The following PRKX variants were observed in gnomAD, a reference collection of about 807,000 sequenced individuals.
PRKX encodes protein kinase cAMP-dependent X-linked catalytic subunit, also known as cAMP-dependent protein kinase catalytic subunit PRKX.
PRKX carries 12 observed loss-of-function variants against 22.0 expected under a neutral mutation model. The observed-to-expected ratio is 0.54, with a 90% CI of 0.35 to 0.88. PRKX has a LOEUF of 0.88. Ranked by LOEUF, PRKX falls within the 40% of genes least tolerant of loss-of-function variation. The pLI is 0.01. For synonymous variants in PRKX, 134 were observed against 137.7 expected (o/e 0.97, Z 0.19); for missense variants, 217 against 308.0 (o/e 0.70, Z 2.21).
Position 3,693,659 on chromosome X carries a change from C to T in PRKX, c.167-18893G>A, listed in dbSNP as rs752158048. Among the ~76,000 whole-genome samples the T allele has an allele frequency of 3.0e-3, 332 of 111,039 alleles. 5 individuals carry two copies. Among genetic ancestry groups the T allele is most frequent in the Non-Finnish European group, 3.1e-3 (166 of 52,988 alleles). The stretch of plus-strand genomic sequence containing the variant: ...TATTTGAAAATAGGGTTTTTGAGGC[C>T]GGGCGCGGTGGCTCACGCCTGTAAT... On this transcript the variant is annotated intron_variant, in intron 1 of 8. Coordinates refer to ENST00000262848, the MANE Select transcript of PRKX (RefSeq NM_005044.5).
At chrX:3,634,340 GA>G (rs1459847540) in intron 4 of PRKX, among the ~76,000 whole-genome samples, 1 of 110,604 alleles carries the variant, frequency 9.0e-6, no homozygotes, top group Non-Finnish European at 1.9e-5. Flanking sequence ...TGAGAAAGGG[GA>G]ACTTGAGGGC....
chrX:3,637,643 G>A (rs1926919869), intron 4 of PRKX, among the ~76,000 whole-genome samples: 1 of 112,005 alleles, frequency 8.9e-6, no homozygotes, highest in East Asian at 2.8e-4. Flanking sequence ...TAGAAAAAAG[G>A]AAAATAAAAA....
intron 4 of PRKX, among the ~76,000 whole-genome samples, chrX:3,637,622 TA>T (rs1407580716): frequency 9.0e-6 from 1 of 111,529 alleles, no homozygotes; most frequent in Admixed American, 9.5e-5. Context: ...CACCCAGAAA[TA>T]GACTCTAATT....
chrX:3,618,329 T>G (rs1420436497), intron 6 of PRKX, among the ~76,000 whole-genome samples: 1 of 110,823 alleles, frequency 9.0e-6, no homozygotes, highest in Non-Finnish European at 1.9e-5. Context: ...TCTGGAAGAG[T>G]AGATCTTGCT....
intron 1 of PRKX, among the ~76,000 whole-genome samples, chrX:3,699,228 G>A (rs1386180766): frequency 9.5e-6 from 1 of 104,924 alleles, no homozygotes; most frequent in African/African-American, 3.5e-5. Context: ...GGAGAGACGG[G>A]GTTTCACCAT....
chrX:3,712,987 C>A (rs2146618672), intron 1 of PRKX, 101 bp downstream of exon 1: 2 of 967,255 alleles, frequency 2.1e-6, no homozygotes, highest in East Asian at 8.1e-5. Context: ...CGGGTCAGGG[C>A]CCTCCCCAGG....
chrX:3,662,997 T>TAA (rs1927633475), intron 2 of PRKX, among the ~76,000 whole-genome samples: 1 of 32,467 alleles, frequency 3.1e-5, no homozygotes, highest in Non-Finnish European at 7.1e-5. Context: ...GGCCCTGTCT[T>TAA]TAAAAAAAAA....
chrX:3,612,301 C>T lies in PRKX; in HGVS notation c.976G>A (p.Gly326Ser). Residue 326 changes from glycine (G) to serine (S), a missense_variant, in exon 8 of 9, where the codon GGT becomes AGT. Physicochemically the swap from Gly to Ser is moderately conservative, Grantham distance 56. Coordinates refer to ENST00000262848, the MANE Select transcript of PRKX (RefSeq NM_005044.5). ...TCGAAGTTGGAAGTGTCGCCGTCACCAGCTATCTTGGGCACGATGGGAGGC... is the reference window on the plus strand; with the variant it reads ...TCGAAGTTGGAAGTGTCGCCGTCACTAGCTATCTTGGGCACGATGGGAGGC... ...LKPPIVPKIAGDGDTSNFETY... is the reference protein window; with the variant it reads ...LKPPIVPKIASDGDTSNFETY... 1 of 1,210,730 alleles carries T rather than the reference C, an allele frequency of 8.3e-7. No individual in the cohort carries two copies. The highest frequency in any genetic ancestry group is 1.1e-6 in the Non-Finnish European group (1 of 895,169).
chrX:3,655,592 C>T (rs1219143280), intron 2 of PRKX, among the ~76,000 whole-genome samples, 180 bp from the exon 3 acceptor site: 2 of 112,343 alleles, frequency 1.8e-5, no homozygotes, highest in East Asian at 5.6e-4. Flanking sequence ...TGGGTAAAGA[C>T]GGATGTTAAT....
At chrX:3,647,071 A>G (rs1378598894) in intron 3 of PRKX, among the ~76,000 whole-genome samples, 1 of 111,195 alleles carries the variant, frequency 9.0e-6, no homozygotes, top group Non-Finnish European at 1.9e-5. Context: ...GTCTAAAGTA[A>G]CTAGAAAGAC....
In PRKX at chrX:3,605,036, CA is replaced by C. The variant is rs1926134864; in HGVS notation, c.*3932del. The stretch of plus-strand genomic sequence containing the variant: ...AGACACACACACACACACACACACA[CA>C]CACACACACACACACACACACACCC... On this transcript the variant is annotated 3_prime_UTR_variant, in exon 9 of 9. Coordinates refer to ENST00000262848, the MANE Select transcript of PRKX (RefSeq NM_005044.5). 2 of 107,039 alleles carry C rather than the reference CA, an allele frequency of 1.9e-5. No homozygotes were observed. Among genetic ancestry groups the C allele is most frequent in the African/African-American group, 6.9e-5 (2 of 28,850 alleles). 8.8% of individuals were successfully genotyped at this position (107,039 alleles called of 1,213,427 possible). A position where few individuals can be genotyped will look rare whatever the true frequency, so the allele number is the denominator to read the frequency against.
chrX:3,621,171 G>A, intron 6 of PRKX, 88 bp downstream of exon 6: 1 of 799,067 alleles, frequency 1.3e-6, no homozygotes, highest in Non-Finnish European at 1.8e-6. Context: ...GCTAAGCCTT[G>A]GTTTATACCT....
chrX:3,699,847 AACTC>A (rs931503394), intron 1 of PRKX, among the ~76,000 whole-genome samples: 2 of 112,281 alleles, frequency 1.8e-5, no homozygotes, highest in African/African-American at 6.5e-5. Context: ...AAGCTCCCGG[AACTC>A]ACACAGCTGT....
At chrX:3,671,038 A>T (rs1294147247) in intron 2 of PRKX, among the ~76,000 whole-genome samples, 1 of 108,943 alleles carries the variant, frequency 9.2e-6, no homozygotes, top group African/African-American at 3.3e-5. Context: ...ATTTATTTTT[A>T]TTTATTATTA....
At chrX:3,626,307 C>T (rs776355412) in intron 5 of PRKX, 112 bp downstream of exon 5, 36 of 537,884 alleles carry the variant, frequency 6.7e-5, no homozygotes, top group Admixed American at 6.1e-4. Context: ...ATAGTTTATG[C>T]GCAGCACATT....
Position 3,713,227 on chromosome X carries a change from C to A in PRKX, c.27G>T (p.Ala9=). 1 of 1,063,413 alleles carries A rather than the reference C, an allele frequency of 9.4e-7. No homozygotes were observed. Among genetic ancestry groups the A allele is most frequent in the Non-Finnish European group, 1.2e-6 (1 of 833,783 alleles). 87.6% of individuals were successfully genotyped at this position (1,063,413 alleles called of 1,213,427 possible). A position where few individuals can be genotyped will look rare whatever the true frequency, so the allele number is the denominator to read the frequency against. ...TGCGGGAGTCGCTCTCCGCCGCGGC[C>A]GCCTGGGCCAGCCCGGGCGCCTCCA... is the stretch of plus-strand genomic sequence containing the variant. The part of the protein sequence containing the change: MEAPGLAQ[A]AAAESDSRKV... Residue 9 remains alanine, a synonymous_variant, in exon 1 of 9, where the codon GCG becomes GCT. Transcript: ENST00000262848.
At chrX:3,618,599 T>C (rs771104934) in intron 6 of PRKX, among the ~76,000 whole-genome samples, 2 of 110,059 alleles carry the variant, frequency 1.8e-5, no homozygotes, top group African/African-American at 6.7e-5. Flanking sequence ...TGCTAAATAA[T>C]ACCATTTTCA....
At chrX:3,652,201 A>G (rs1001154183) in intron 3 of PRKX, among the ~76,000 whole-genome samples, 5 of 110,385 alleles carry the variant, frequency 4.5e-5, no homozygotes, top group South Asian at 3.9e-4. Flanking sequence ...GGCGCATCAC[A>G]AGGTCAGGAG....
intron 5 of PRKX, among the ~76,000 whole-genome samples, chrX:3,623,151 C>CGTGTGTGTGTGTGTGTGT (rs60593114): frequency 2.1e-5 from 2 of 96,117 alleles, no homozygotes; most frequent in African/African-American, 7.8e-5. Flanking sequence ...TAAATTTCAA[C>CGTGTGTGTGTGTGTGTGT]GTGTGTGTGT....
Sources: gnomAD v4.1 joint callset for allele counts (sites outside exome capture counted in the v4.1 genomes callset) on GRCh38, gnomAD v4.1.1 for gene constraint, MANE v1.5 for transcripts, NCBI Gene and HGNC (gene_info 2026-07-23, HGNC 2026-07-21) for gene names.